The following NPLOC4 variants were observed in gnomAD, a reference collection of about 807,000 sequenced individuals.
The protein encoded by NPLOC4 is nuclear protein localization protein 4 homolog.
Under a neutral mutation model 80.6 loss-of-function variants are expected in NPLOC4, and 18 were observed. The observed-to-expected ratio is 0.22, with a 90% CI of 0.15 to 0.33. The LOEUF (loss-of-function observed/expected upper bound fraction) is 0.33, where lower values mean the gene tolerates loss of function less well. NPLOC4 is among the 10% of genes least tolerant of loss of function. The pLI is 1.00. For synonymous variants in NPLOC4, 313 were observed against 301.5 expected, an observed-to-expected ratio of 1.04 and a Z score of -0.39; for missense variants, 540 against 786.1, an observed-to-expected ratio of 0.69 and a Z score of 3.74.
intron 2 of NPLOC4, among the ~76,000 whole-genome samples, chr17:81,625,469 G>A (rs2035771466): frequency 1.3e-5 from 2 of 152,166 alleles, no homozygotes; most frequent in African/African-American, 4.8e-5. Flanking sequence ...TCTCGGTAAA[G>A]AAACAAATCA....
intron 16 of NPLOC4, chr17:81,563,381 C>G (rs2033909550): frequency 6.7e-6 from 1 of 148,180 alleles, no homozygotes; most frequent in Non-Finnish European, 1.5e-5. Flanking sequence ...CCGGCCAACC[C>G]TATCTCTTAA....
chr17:81,559,466 A>G, intron 16 of NPLOC4, 50 bp from the exon 17 acceptor site: 1 of 1,552,136 alleles, frequency 6.4e-7, no homozygotes, highest in South Asian at 1.2e-5. Flanking sequence ...CCCACCAGAG[A>G]CTGCCAGAGT....
At chr17:81,617,250 G>A (rs2035520318) in intron 3 of NPLOC4, among the ~76,000 whole-genome samples, 1 of 147,994 alleles carries the variant, frequency 6.8e-6, no homozygotes, top group South Asian at 2.1e-4. Flanking sequence ...GACAGATTTA[G>A]GGGGAAAAAA....
In NPLOC4 at chr17:81,557,483, G is replaced by A. The variant is rs1476362146; in HGVS notation, c.*1776C>T. ...CGTGGTGGATAAGGACGAGCGAGTG[G>A]GAGAGGAACTGGCAACGCGGCTCTC... On this transcript the variant is annotated 3_prime_UTR_variant, in exon 17 of 17. Transcript: ENST00000331134. The A allele has an allele frequency of 6.6e-6, 1 of 152,392 alleles. No individual in the cohort carries two copies. The highest frequency in any genetic ancestry group is 1.9e-4 in the East Asian group (1 of 5,188). The allele number at this position is 152,392 out of a possible 1,614,324, so 9.4% of individuals were successfully genotyped here.
chr17:81,608,176 A>T (rs749400380), intron 6 of NPLOC4, among the ~76,000 whole-genome samples: 2 of 152,158 alleles, frequency 1.3e-5, no homozygotes, highest in Non-Finnish European at 2.9e-5. Flanking sequence ...AACCAAGCTG[A>T]CTCAGAGGCC....
intron 3 of NPLOC4, among the ~76,000 whole-genome samples, chr17:81,615,603 T>A (rs1177690253): frequency 1.3e-5 from 2 of 152,200 alleles, no homozygotes; most frequent in African/African-American, 4.8e-5. Context: ...AACTCAGAGC[T>A]GCTTGTGGGG....
At position 81,567,909 on chromosome 17, in the gene NPLOC4, C is replaced by A. The variant is rs1288332098; in HGVS notation, c.1450-376G>T. ...TGGCCAACATGGCGAAACCCCGTCT[C>A]TACTAAAAATACAAAAAAAATTACC... On this transcript the variant is annotated intron_variant, in intron 14 of 16. Transcript: ENST00000331134. This position sits in a 1 kb window ranked among gnomAD's most constrained non-coding sequence, Gnocchi z 4.5. 1.6e-5 allele frequency: 3 copies of A among 188,068 alleles called. No individual in the cohort carries two copies. Among genetic ancestry groups the A allele is most frequent in the Non-Finnish European group, 3.4e-5 (3 of 89,210 alleles). The allele number at this position is 188,068 out of a possible 1,614,324, so 11.6% of individuals were successfully genotyped here.
intron 7 of NPLOC4, among the ~76,000 whole-genome samples, chr17:81,605,755 TAATTCC>T (rs1233963543): frequency 1.3e-5 from 2 of 151,752 alleles, no homozygotes; most frequent in Non-Finnish European, 2.9e-5. Context: ...AAATTCAAAA[TAATTCC>T]ATTGTGATTT....
chr17:81,615,370 G>A (rs185585767), intron 3 of NPLOC4, among the ~76,000 whole-genome samples: 7 of 152,108 alleles, frequency 4.6e-5, no homozygotes, highest in Non-Finnish European at 1.0e-4. Flanking sequence ...AAAGTGCTAG[G>A]ATTACAGTCG....
intron 11 of NPLOC4, among the ~76,000 whole-genome samples, chr17:81,591,447 GA>G (rs71367067): frequency 0.043 from 3,238 of 76,062 alleles, 31 homozygotes; most frequent in East Asian, 0.19. Flanking sequence ...GAGTAAAACA[GA>G]AAAAAAAAAA....
intron 1 of NPLOC4, among the ~76,000 whole-genome samples, chr17:81,634,691 T>C (rs2036021481): frequency 6.6e-6 from 1 of 151,938 alleles, no homozygotes. Context: ...GTTTGAGCGA[T>C]TCCCCTCCCT....
chr17:81,620,250 C>G (rs1598679318), intron 3 of NPLOC4, among the ~76,000 whole-genome samples: 1 of 152,190 alleles, frequency 6.6e-6, no homozygotes, highest in Non-Finnish European at 1.5e-5. Context: ...GTAATCCCAG[C>G]ACTTTGGAAG....
intron 5 of NPLOC4, 101 bp from the exon 6 acceptor site, chr17:81,608,923 G>T: frequency 1.3e-6 from 1 of 788,178 alleles, no homozygotes; most frequent in Non-Finnish European, 2.1e-6. Flanking sequence ...GCATGGCCTT[G>T]GCAAGTCAAG....
At position 81,592,655 on chromosome 17, in the gene NPLOC4, C is replaced by T. The variant is rs535546556; in HGVS notation, c.1120+3461G>A. ...AGAAACTGTAATTCTAAAAATGTGC[C>T]AGTTCTTCTGGCCCATGGAATAATT... On this transcript the variant is annotated intron_variant, in intron 11 of 16. Coordinates refer to ENST00000331134, the MANE Select transcript of NPLOC4 (RefSeq NM_017921.4). Among the ~76,000 whole-genome samples, 4 of 152,256 alleles carry T rather than the reference C, an allele frequency of 2.6e-5. No individual in the cohort carries two copies. The South Asian group carries it at 8.3e-4, about 32-fold the overall frequency.
intron 1 of NPLOC4, among the ~76,000 whole-genome samples, chr17:81,631,207 A>G (rs2035917725): frequency 6.6e-6 from 1 of 151,698 alleles, no homozygotes; most frequent in Non-Finnish European, 1.5e-5. Flanking sequence ...ATTAAAATTA[A>G]AAGCAATAAA....
intron 11 of NPLOC4, among the ~76,000 whole-genome samples, chr17:81,592,274 C>T (rs756315514): frequency 2.6e-5 from 4 of 152,094 alleles, no homozygotes; most frequent in African/African-American, 7.2e-5. Flanking sequence ...CCCGCATGGC[C>T]GTGACCAAGA....
chr17:81,614,080 T>C (rs2035411775), intron 3 of NPLOC4, among the ~76,000 whole-genome samples: 1 of 151,830 alleles, frequency 6.6e-6, no homozygotes. Context: ...ATCAAGACCA[T>C]CCTGGCCAAC....
intron 14 of NPLOC4, among the ~76,000 whole-genome samples, chr17:81,568,470 A>G (rs1242941262): frequency 2.6e-5 from 4 of 152,248 alleles, no homozygotes; most frequent in Non-Finnish European, 5.9e-5. Flanking sequence ...CCACCTTCTG[A>G]AATGTCTGTT....
chr17:81,591,146 T>C (rs2034726878), intron 11 of NPLOC4, among the ~76,000 whole-genome samples: 2 of 152,118 alleles, frequency 1.3e-5, no homozygotes, highest in Admixed American at 1.3e-4. Context: ...CATGAAAACC[T>C]GGACTGGGCT....
Sources: gnomAD v4.1 joint callset for allele counts (sites outside exome capture counted in the v4.1 genomes callset) on GRCh38, gnomAD v4.1.1 for gene constraint, Gnocchi (gnomAD v3.1) non-coding constraint, MANE v1.5 for transcripts, NCBI Gene and HGNC (gene_info 2026-07-23, HGNC 2026-07-21) for gene names.